The following PLPPR5 variants were observed in gnomAD, a reference collection of about 807,000 sequenced individuals.
PLPPR5 encodes phospholipid phosphatase-related protein type 5.
PLPPR5 carries 16 observed loss-of-function variants against 33.9 expected under a neutral mutation model. The ratio of observed to expected loss-of-function variants is 0.47; its 90% confidence interval spans 0.32 to 0.72. PLPPR5 has a LOEUF of 0.72. Ranked by LOEUF, PLPPR5 falls within the 30% of genes least tolerant of loss-of-function variation. PLPPR5 has a pLI of 0.03. For missense variants in PLPPR5, 301 were observed against 406.7 expected (o/e 0.74, Z 2.23); for synonymous variants, 163 against 150.3 (o/e 1.08, Z -0.62).
In PLPPR5 at chr1:98,926,513, GCATTAT is replaced by G. The variant is rs530891342; in HGVS notation, c.622-4461_622-4456del. Among the ~76,000 whole-genome samples the G allele has an allele frequency of 2.8e-4, 40 of 145,386 alleles. No homozygotes were observed. In the South Asian group the frequency reaches 8.9e-3, roughly 32 times the overall value. On this transcript the variant is annotated intron_variant, in intron 3 of 5. Coordinates refer to ENST00000263177, the MANE Select transcript of PLPPR5 (RefSeq NM_001037317.2). ...GTGTGTGTGTTTTAATAACTTCATA[GCATTAT>G]TGGTCAAACTGTGTTTGTGGTCCAC...
intron 1 of PLPPR5, among the ~76,000 whole-genome samples, chr1:98,961,565 T>C (rs1291160863): frequency 6.6e-6 from 1 of 152,232 alleles, no homozygotes; most frequent in Non-Finnish European, 1.5e-5. Flanking sequence ...AACAGTCTAA[T>C]ATATATGTAA....
chr1:98,916,496 C>T (rs1194793047), intron 4 of PLPPR5, among the ~76,000 whole-genome samples: 1 of 152,218 alleles, frequency 6.6e-6, no homozygotes, highest in African/African-American at 2.4e-5. Context: ...AAAAGGAAGA[C>T]AGTAAATATT....
rs1648287639 is a variant in PLPPR5 at position 98,891,836 on chromosome 1, A to G, written c.*1236T>C. 1 of 152,078 alleles carries G rather than the reference A, an allele frequency of 6.6e-6. No homozygotes were observed. Among genetic ancestry groups the G allele is most frequent in the South Asian group, 2.1e-4 (1 of 4,826 alleles). The allele number at this position is 152,078 out of a possible 1,614,324, so 9.4% of individuals were successfully genotyped here. The stretch of plus-strand genomic sequence containing the variant: ...GCCCAGGATTCTACTGAGCTCTGAA[A>G]GGCCTCAGTGTCCAAAATGAGATGA... On this transcript the variant is annotated 3_prime_UTR_variant, in exon 6 of 6. Transcript: ENST00000263177.
intron 5 of PLPPR5, among the ~76,000 whole-genome samples, chr1:98,905,449 T>C (rs528681004): frequency 2.6e-4 from 39 of 152,154 alleles, no homozygotes; most frequent in Non-Finnish European, 5.4e-4. Flanking sequence ...TAAACTACTC[T>C]TGGTAACTTA....
At chr1:98,971,615 TTAGATTCTGC>T (rs1651663725) in intron 1 of PLPPR5, among the ~76,000 whole-genome samples, 1 of 152,050 alleles carries the variant, frequency 6.6e-6, no homozygotes, top group South Asian at 2.1e-4. Flanking sequence ...ATGCACAATC[TTAGATTCTGC>T]TTTTCTACTG....
intron 1 of PLPPR5, among the ~76,000 whole-genome samples, chr1:98,972,040 T>C (rs1422759339): frequency 2.6e-5 from 4 of 151,966 alleles, no homozygotes; most frequent in African/African-American, 9.7e-5. Flanking sequence ...ACCTCTGACT[T>C]AACTATGGAG....
At chr1:98,928,469 G>T (rs1217008053) in intron 3 of PLPPR5, among the ~76,000 whole-genome samples, 1 of 146,658 alleles carries the variant, frequency 6.8e-6, no homozygotes, top group Admixed American at 7.0e-5. Flanking sequence ...GTAATAGTTT[G>T]GATACACTGG....
intron 1 of PLPPR5, among the ~76,000 whole-genome samples, chr1:98,991,816 G>A (rs2100761295): frequency 6.6e-6 from 1 of 152,244 alleles, no homozygotes; most frequent in African/African-American, 2.4e-5. Flanking sequence ...CCCAGTTGGA[G>A]TTCAAACCTT....
intron 5 of PLPPR5, among the ~76,000 whole-genome samples, chr1:98,906,183 G>GTA (rs58392273): frequency 5.2e-4 from 77 of 147,816 alleles, no homozygotes; most frequent in African/African-American, 1.5e-3. Context: ...TAGTGTGTGT[G>GTA]TATATATATA....
chr1:98,908,074 T>C (rs887277889), intron 5 of PLPPR5, among the ~76,000 whole-genome samples: 3 of 152,192 alleles, frequency 2.0e-5, no homozygotes, highest in Non-Finnish European at 2.9e-5. Context: ...GCTAACTCTG[T>C]CTCAAAATGG....
intron 1 of PLPPR5, among the ~76,000 whole-genome samples, chr1:98,971,903 AGGCTCCCCCCAT>A (rs1370838407): frequency 6.6e-6 from 1 of 152,022 alleles, no homozygotes; most frequent in Non-Finnish European, 1.5e-5. Context: ...AGAACAGGCA[AGGCTCCCCCCAT>A]GGTCTCACCA....
chr1:98,975,453 C>A (rs1651814099), intron 1 of PLPPR5, among the ~76,000 whole-genome samples: 1 of 152,086 alleles, frequency 6.6e-6, no homozygotes, highest in Admixed American at 6.6e-5. Context: ...CTGATCCATG[C>A]ATACAGATGA....
At chr1:98,894,009 T>G (rs181300756) in intron 5 of PLPPR5, among the ~76,000 whole-genome samples, 84 of 152,186 alleles carry the variant, frequency 5.5e-4, no homozygotes, top group African/African-American at 2.0e-3. Context: ...AGTTTAAGTA[T>G]TTTAATTCAT....
chr1:98,901,304 G>A (rs914023769), intron 5 of PLPPR5, among the ~76,000 whole-genome samples: 2 of 152,112 alleles, frequency 1.3e-5, no homozygotes, highest in Non-Finnish European at 2.9e-5. Flanking sequence ...TTGAAGGAGG[G>A]ATGACTACAA....
intron 3 of PLPPR5, among the ~76,000 whole-genome samples, chr1:98,945,264 A>G (rs1650510636): frequency 1.3e-5 from 2 of 152,244 alleles, no homozygotes; most frequent in African/African-American, 4.8e-5. Context: ...TCCAATAATC[A>G]AGACTATCTA....
intron 1 of PLPPR5, among the ~76,000 whole-genome samples, chr1:98,975,337 A>T (rs571917350): frequency 6.6e-6 from 1 of 152,192 alleles, no homozygotes; most frequent in South Asian, 2.1e-4. Flanking sequence ...TAACACTTGT[A>T]AATTGGAACC....
intron 1 of PLPPR5, among the ~76,000 whole-genome samples, chr1:98,960,571 T>C (rs2101227109): frequency 6.6e-6 from 1 of 152,312 alleles, no homozygotes. Flanking sequence ...TTTATGTAAA[T>C]GCCTTCTGAG....
chr1:98,968,801 A>G (rs973523756), intron 1 of PLPPR5, among the ~76,000 whole-genome samples: 3 of 152,082 alleles, frequency 2.0e-5, no homozygotes, highest in Non-Finnish European at 4.4e-5. Flanking sequence ...TGTATTCAGC[A>G]TATAGATAAG....
intron 3 of PLPPR5, among the ~76,000 whole-genome samples, chr1:98,935,899 G>T (rs939793158): frequency 6.6e-6 from 1 of 152,006 alleles, no homozygotes; most frequent in East Asian, 1.9e-4. Flanking sequence ...AGAGACATTC[G>T]CCACCCAGAA....
Sources: allele counts gnomAD v4.1 joint callset (sites outside exome capture counted in the v4.1 genomes callset), GRCh38; gene constraint gnomAD v4.1.1; transcripts MANE v1.5; gene names NCBI Gene and HGNC (gene_info 2026-07-23, HGNC 2026-07-21).